Variants in BTBD7 observed in about 807,000 individuals in gnomAD.
The protein encoded by BTBD7 is BTB/POZ domain-containing protein 7.
Under a neutral mutation model 99.9 loss-of-function variants are expected in BTBD7, and 38 were observed. The ratio of observed to expected loss-of-function variants is 0.38; its 90% CI spans 0.29 to 0.50. The LOEUF is 0.50. BTBD7 is among the 20% of genes least tolerant of loss of function. The pLI is 0.93. For missense variants in BTBD7, 1,170 were observed against 1,394.6 expected (o/e 0.84, Z 2.57); for synonymous variants, 520 against 511.4 (o/e 1.02, Z -0.23).
chr14:93,331,877 T>A lies in BTBD7; in HGVS notation c.-107+943A>T, dbSNP rs369821172. On this transcript the variant is annotated intron_variant, in intron 1 of 10. Coordinates refer to ENST00000334746, the MANE Select transcript of BTBD7 (RefSeq NM_001002860.4). ...GCCTGGGTGACAGAGCGAGACTCCG[T>A]CTCCCCCCCCCCAAAAAGGTTGTTA... Among the ~76,000 whole-genome samples, 3 of 112,724 alleles carry A rather than the reference T, an allele frequency of 2.7e-5. 1 individual carries two copies. Among genetic ancestry groups the A allele is most frequent in the East Asian group, 5.0e-4 (2 of 4,030 alleles). 74.0% of individuals were successfully genotyped at this position (112,724 alleles called of 152,430 possible).
intron 1 of BTBD7, among the ~76,000 whole-genome samples, chr14:93,329,724 T>C (rs1405639141): frequency 2.0e-5 from 3 of 152,202 alleles, no homozygotes; most frequent in African/African-American, 7.2e-5. Context: ...ATTTCACTTA[T>C]ACGTGGTACT....
chr14:93,258,870 C>T (rs1196361235), intron 5 of BTBD7, among the ~76,000 whole-genome samples: 1 of 152,214 alleles, frequency 6.6e-6, no homozygotes, highest in African/African-American at 2.4e-5. Context: ...CAGGCGTGAG[C>T]CACCGTGCCT....
rs865837983 is a variant in BTBD7 at position 93,243,079 on chromosome 14, G to T, written c.2593C>A (p.Pro865Thr). The stretch of plus-strand genomic sequence containing the variant: ...TCTGGCATCAGATCATTCAGCACAG[G>T]TTGTGTTCGCTGCAGACAGAGACAA... Reference protein sequence around the residue: ...AASEKQVRTQPVLNDLMPDIA... With the variant: ...AASEKQVRTQTVLNDLMPDIA... Residue 865 changes from proline (P) to threonine (T), a missense_variant, in exon 11 of 11, where the codon CCT becomes ACT. Physicochemically the swap from Pro to Thr is conservative, Grantham distance 38. This residue lies in a region of BTBD7 where 495 missense variants were observed against 525.9 expected (regional missense o/e 0.94). Transcript: ENST00000334746. 2 of 1,610,416 alleles carry T rather than the reference G, an allele frequency of 1.2e-6. No homozygotes were observed. The highest frequency in any genetic ancestry group is 2.7e-5 in the African/African-American group (2 of 74,940).
chr14:93,317,400 T>A (rs2053220347), intron 1 of BTBD7, among the ~76,000 whole-genome samples: 1 of 151,754 alleles, frequency 6.6e-6, no homozygotes, highest in South Asian at 2.1e-4. Flanking sequence ...GTTTGGTATG[T>A]CGCCCAGGCT....
At chr14:93,259,662 G>A (rs548852140) in intron 5 of BTBD7, among the ~76,000 whole-genome samples, 1 of 152,194 alleles carries the variant, frequency 6.6e-6, no homozygotes, top group African/African-American at 2.4e-5. Flanking sequence ...TAAATCAACT[G>A]TAATGGTTTT....
At chr14:93,329,671 A>C (rs1429426104) in intron 1 of BTBD7, among the ~76,000 whole-genome samples, 1 of 152,264 alleles carries the variant, frequency 6.6e-6, no homozygotes, top group African/African-American at 2.4e-5. Flanking sequence ...ATGACATTAT[A>C]CTAAGTGAAA....
chr14:93,256,239 G>A (rs2052427570), intron 6 of BTBD7: 1 of 151,764 alleles, frequency 6.6e-6, no homozygotes. Context: ...GTGATAGTTC[G>A]TTTATTATTA....
chr14:93,322,328 A>G (rs2053279578), intron 1 of BTBD7, among the ~76,000 whole-genome samples: 1 of 151,840 alleles, frequency 6.6e-6, no homozygotes, highest in African/African-American at 2.4e-5. Flanking sequence ...TATGTTGCCC[A>G]GACTGGTCTT....
At chr14:93,286,998 C>T (rs957532230) in intron 3 of BTBD7, among the ~76,000 whole-genome samples, 10 of 126,950 alleles carry the variant, frequency 7.9e-5, no homozygotes, top group East Asian at 6.2e-4. Flanking sequence ...AGCACTGAGG[C>T]GGGTGGATCA....
chr14:93,319,237 A>T (rs573945908), intron 1 of BTBD7, among the ~76,000 whole-genome samples: 1 of 152,334 alleles, frequency 6.6e-6, no homozygotes, highest in South Asian at 2.1e-4. Flanking sequence ...ACCAAAACCA[A>T]AAAACAACAG....
At chr14:93,300,816 A>C (rs1436928234) in intron 1 of BTBD7, among the ~76,000 whole-genome samples, 4 of 141,054 alleles carry the variant, frequency 2.8e-5, no homozygotes, top group Non-Finnish European at 6.0e-5. Flanking sequence ...GGGTTTTGCC[A>C]TGTTGCCCAA....
At chr14:93,324,647 A>T (rs2053307814) in intron 1 of BTBD7, among the ~76,000 whole-genome samples, 1 of 152,164 alleles carries the variant, frequency 6.6e-6, no homozygotes, top group South Asian at 2.1e-4. Context: ...TGTCGGTAGC[A>T]ATAGGGGCCT....
intron 1 of BTBD7, among the ~76,000 whole-genome samples, chr14:93,323,473 G>A (rs1338989062): frequency 6.6e-6 from 1 of 152,130 alleles, no homozygotes; most frequent in Admixed American, 6.5e-5. Flanking sequence ...AACTCATCCA[G>A]TCCTGTCACA....
intron 6 of BTBD7, among the ~76,000 whole-genome samples, chr14:93,254,708 A>C (rs1008792052): frequency 1.3e-5 from 2 of 152,218 alleles, no homozygotes; most frequent in Non-Finnish European, 2.9e-5. Flanking sequence ...TGCCAGGAGA[A>C]TCTGTATCAA....
chr14:93,292,408 T>G (rs2052869125), intron 3 of BTBD7, among the ~76,000 whole-genome samples: 1 of 152,194 alleles, frequency 6.6e-6, no homozygotes, highest in South Asian at 2.1e-4. Flanking sequence ...CTATTTTTGA[T>G]AACATATTTT....
chr14:93,294,387 G>A lies in BTBD7; in HGVS notation c.633C>T (p.Asp211=), dbSNP rs2052897960. 1 of 1,614,016 alleles carries A rather than the reference G, an allele frequency of 6.2e-7. No individual in the cohort carries two copies. The highest frequency in any genetic ancestry group is 8.5e-7 in the Non-Finnish European group (1 of 1,180,030). The part of the protein sequence containing the change: ...YLYTGEFGME[D]SRFQNVDILV... ...GGATATCGACATTTTGAAACCTTGA[G>A]TCCTCCATTCCAAACTCTCCTGTAT... The change falls in exon 3 of 11, where the codon GAC becomes GAT. Residue 211 remains aspartate (D), a synonymous_variant. Transcript: ENST00000334746.
chr14:93,265,142 C>T (rs1254431746), intron 3 of BTBD7, among the ~76,000 whole-genome samples: 1 of 152,088 alleles, frequency 6.6e-6, no homozygotes, highest in African/African-American at 2.4e-5. Context: ...ACTATGGCTA[C>T]ACAGAAAGGG....
intron 4 of BTBD7, among the ~76,000 whole-genome samples, chr14:93,262,825 C>T (rs1487953248): frequency 2.6e-5 from 4 of 151,240 alleles, no homozygotes; most frequent in African/African-American, 9.7e-5. Context: ...ATGCAAAGCT[C>T]CTAAAGACAA....
intron 1 of BTBD7, among the ~76,000 whole-genome samples, chr14:93,329,279 C>T (rs572601591): frequency 6.6e-6 from 1 of 152,040 alleles, no homozygotes; most frequent in East Asian, 1.9e-4. Context: ...CTTAACATCA[C>T]CAATCATTTT....
Sources: allele counts gnomAD v4.1 joint callset (sites outside exome capture counted in the v4.1 genomes callset), GRCh38; gene constraint gnomAD v4.1.1; regional missense constraint gnomAD v4.1.1; transcripts MANE v1.5; gene names NCBI Gene and HGNC (gene_info 2026-07-23, HGNC 2026-07-21).